The following HDGFL2 variants were observed in gnomAD, a reference collection of about 807,000 sequenced individuals.
The protein encoded by HDGFL2 is hepatoma-derived growth factor-related protein 2.
HDGFL2 carries 36 observed loss-of-function variants against 77.1 expected under a neutral mutation model. That is an observed-to-expected ratio of 0.47 (90% CI 0.36 to 0.62). HDGFL2 has a LOEUF of 0.62. Among genes scored for constraint, HDGFL2 ranks in the 20% least tolerant of loss-of-function variants. The pLI is 0.00. For missense variants in HDGFL2, 976 were observed against 973.4 expected, an observed-to-expected ratio of 1.00 and a Z score of -0.04; for synonymous variants, 463 against 413.1, an observed-to-expected ratio of 1.12 and a Z score of -1.46.
At chr19:4,477,192 C>T (rs529079270) in intron 3 of HDGFL2, among the ~76,000 whole-genome samples, 40 of 152,222 alleles carry the variant, frequency 2.6e-4, no homozygotes, top group African/African-American at 9.4e-4. Context: ...CTCCAGGATC[C>T]GCAGACGTTT....
chr19:4,495,984 T>C (rs1242905655), intron 9 of HDGFL2, among the ~76,000 whole-genome samples: 1 of 152,072 alleles, frequency 6.6e-6, no homozygotes, highest in Non-Finnish European at 1.5e-5. Flanking sequence ...GTGTTCTCTC[T>C]CTGTCACTCC....
At chr19:4,479,904 T>TAA (rs11321906) in intron 3 of HDGFL2, among the ~76,000 whole-genome samples, 61 of 122,006 alleles carry the variant, frequency 5.0e-4, no homozygotes, top group African/African-American at 1.3e-3. Context: ...AGACTCTGTC[T>TAA]AAAAAAAAAA....
intron 4 of HDGFL2, among the ~76,000 whole-genome samples, chr19:4,489,255 C>G (rs1047510252): frequency 1.1e-5 from 1 of 95,180 alleles, no homozygotes; most frequent in Non-Finnish European, 2.2e-5. Context: ...GCCTGGCCAC[C>G]TTTCTTTTTT....
intron 6 of HDGFL2, 58 bp from the exon 7 acceptor site, chr19:4,493,645 C>T (rs1975608966): frequency 6.5e-6 from 9 of 1,386,078 alleles, no homozygotes; most frequent in East Asian, 2.9e-5. Flanking sequence ...TGGCCTGGTG[C>T]GCCCCGCTTC....
At chr19:4,476,561 T>C (rs1231889562) in intron 3 of HDGFL2, among the ~76,000 whole-genome samples, 2 of 151,306 alleles carry the variant, frequency 1.3e-5, no homozygotes, top group East Asian at 1.9e-4. Context: ...GAAAAGACGT[T>C]TTTTTCTTTT....
At chr19:4,500,654 G>T (rs1226775713) in intron 14 of HDGFL2, among the ~76,000 whole-genome samples, 3 of 152,066 alleles carry the variant, frequency 2.0e-5, no homozygotes, top group South Asian at 4.1e-4. Context: ...GTAGAGATGG[G>T]GTTTCACCGT....
At chr19:4,475,838 C>G (rs1043834778) in intron 3 of HDGFL2, among the ~76,000 whole-genome samples, 1 of 151,720 alleles carries the variant, frequency 6.6e-6, no homozygotes, top group African/African-American at 2.4e-5. Context: ...TGGAGGGGAA[C>G]GGGATAGAAT....
chr19:4,489,876 G>T (rs1307010217), intron 4 of HDGFL2, among the ~76,000 whole-genome samples: 1 of 152,060 alleles, frequency 6.6e-6, no homozygotes, highest in Non-Finnish European at 1.5e-5. Flanking sequence ...ACCCCAAAAA[G>T]AAACCTGGTC....
chr19:4,500,645 T>C (rs1975843324), intron 14 of HDGFL2, among the ~76,000 whole-genome samples: 1 of 152,092 alleles, frequency 6.6e-6, no homozygotes, highest in Admixed American at 6.5e-5. Flanking sequence ...TATTTTTTAG[T>C]AGAGATGGGG....
At position 4,502,087 on chromosome 19, in the gene HDGFL2, C is replaced by T; in HGVS notation, c.*77C>T. On this transcript the variant is annotated 3_prime_UTR_variant, in exon 16 of 16. Coordinates refer to ENST00000616600, the MANE Select transcript of HDGFL2 (RefSeq NM_001001520.3). ...TTCCCCGGCTCGCAGGAGAGCAGAG[C>T]AGAGAACTGTGGGGAACGCTGTGCT... 1.9e-6 allele frequency: 2 copies of T among 1,037,888 alleles called. No homozygotes were observed. Among genetic ancestry groups the T allele is most frequent in the Non-Finnish European group, 2.9e-6 (2 of 691,696 alleles). The allele number at this position is 1,037,888 out of a possible 1,614,324, so 64.3% of individuals were successfully genotyped here.
Position 4,472,339 on chromosome 19 carries a change from C to A in HDGFL2, c.-12C>A, listed in dbSNP as rs779142963. 4.6e-6 allele frequency: 7 copies of A among 1,516,072 alleles called. 1 individual carries two copies. In the South Asian group the frequency reaches 7.6e-5, roughly 16 times the overall value. The allele number at this position is 1,516,072 out of a possible 1,614,324, so 93.9% of individuals were successfully genotyped here. A position where few individuals can be genotyped will look rare whatever the true frequency, so the allele number is the denominator to read the frequency against. On this transcript the variant is annotated 5_prime_UTR_variant, in exon 1 of 16. Transcript: ENST00000616600. Reference sequence around the variant, plus strand: ...CAGCCGCTTTCCGCGGCCTGGGCCTCTCGCCGTCAGCATGCCACACGCCTT... The same window carrying A: ...CAGCCGCTTTCCGCGGCCTGGGCCTATCGCCGTCAGCATGCCACACGCCTT...
intron 3 of HDGFL2, 44 bp downstream of exon 3, chr19:4,475,627 T>C (rs375876738): frequency 1.0e-5 from 16 of 1,531,316 alleles, no homozygotes; most frequent in Admixed American, 2.3e-5. Context: ...GCGCTACTGA[T>C]GCAAGAAGGG....
chr19:4,502,060 C>A lies in HDGFL2; in HGVS notation c.*50C>A. 1 of 1,292,302 alleles carries A rather than the reference C, an allele frequency of 7.7e-7. No homozygotes were observed. Among genetic ancestry groups the A allele is most frequent in the Non-Finnish European group, 1.1e-6 (1 of 924,018 alleles). 80.1% of individuals were successfully genotyped at this position (1,292,302 alleles called of 1,614,324 possible). On this transcript the variant is annotated 3_prime_UTR_variant, in exon 16 of 16. Coordinates refer to ENST00000616600, the MANE Select transcript of HDGFL2 (RefSeq NM_001001520.3). ...CCGCCCGAGCTCAGGCTGCCCCTCT[C>A]CTTCCCCGGCTCGCAGGAGAGCAGA...
intron 10 of HDGFL2, chr19:4,497,230 C>T: frequency 4.6e-6 from 2 of 438,278 alleles, no homozygotes; most frequent in Non-Finnish European, 9.0e-6. Flanking sequence ...CTTGGGCTTG[C>T]TCTGTGGCCC....
At position 4,494,062 on chromosome 19, in the gene HDGFL2, G is replaced by T. The variant is rs750999585; in HGVS notation, c.914+5G>T. On this transcript the variant is annotated splice_donor_5th_base_variant and intron_variant, in intron 8 of 15. Coordinates refer to ENST00000616600, the MANE Select transcript of HDGFL2 (RefSeq NM_001001520.3). ...GTCCAGCTCCAGCAGTGACAGGTGG[G>T]TGCTGGGGCTGGGGTCCCCTCTGGC... 8 of 1,600,958 alleles carry T rather than the reference G, an allele frequency of 5.0e-6. No homozygotes were observed. The South Asian group carries it at 7.8e-5, about 16-fold the overall frequency.
intron 3 of HDGFL2, among the ~76,000 whole-genome samples, chr19:4,478,933 T>C (rs1975142342): frequency 6.6e-6 from 1 of 150,916 alleles, no homozygotes; most frequent in Non-Finnish European, 1.5e-5. Context: ...TCTGCCCGCC[T>C]CAGCCTCCCA....
intron 4 of HDGFL2, among the ~76,000 whole-genome samples, chr19:4,490,309 AC>A (rs1247586991): frequency 6.6e-6 from 1 of 151,392 alleles, no homozygotes; most frequent in East Asian, 1.9e-4. Flanking sequence ...CTGGTCTCGA[AC>A]TCCTGACCTC....
intron 3 of HDGFL2, among the ~76,000 whole-genome samples, chr19:4,482,003 A>C (rs1975230795): frequency 7.3e-6 from 1 of 136,980 alleles, no homozygotes; most frequent in African/African-American, 2.7e-5. Context: ...AGCCGGGGGG[A>C]CTGGAAGTTG....
At chr19:4,501,338 G>A in intron 15 of HDGFL2, 21 bp downstream of exon 15, 2 of 1,567,994 alleles carry the variant, frequency 1.3e-6, no homozygotes, top group Admixed American at 1.8e-5. Flanking sequence ...CGGGCCGTGG[G>A]GTTTGGACTC....
Sources: allele counts gnomAD v4.1 joint callset (sites outside exome capture counted in the v4.1 genomes callset), GRCh38; gene constraint gnomAD v4.1.1; transcripts MANE v1.5; gene names NCBI Gene and HGNC (gene_info 2026-07-23, HGNC 2026-07-21).